Variants in UBE2W observed in about 807,000 individuals in gnomAD.
UBE2W encodes ubiquitin-conjugating enzyme E2 W.
A neutral mutation model predicts 27.2 loss-of-function variants in UBE2W; 18 were observed. That is an observed-to-expected ratio of 0.66 (90% confidence interval 0.46 to 0.98). The LOEUF (loss-of-function observed/expected upper bound fraction) is 0.98, where lower values mean the gene tolerates loss of function less well. UBE2W is among the 50% of genes least tolerant of loss of function. UBE2W has a pLI of 0.00. For missense variants in UBE2W, 90 were observed against 180.2 expected (o/e 0.50, Z 2.87); for synonymous variants, 53 against 57.2 (o/e 0.93, Z 0.33).
At chr8:73,878,297 G>T (rs1812323441) in intron 1 of UBE2W, among the ~76,000 whole-genome samples, 1 of 152,250 alleles carries the variant, frequency 6.6e-6, no homozygotes, top group African/African-American at 2.4e-5. Context: ...GGGGCCCGGC[G>T]TGGGAGGCCG....
intron 4 of UBE2W, among the ~76,000 whole-genome samples, chr8:73,809,726 T>A (rs1319775181): frequency 6.6e-6 from 1 of 151,984 alleles, no homozygotes; most frequent in Non-Finnish European, 1.5e-5. Flanking sequence ...ATTACAGGCA[T>A]ATACCATCAC....
intron 3 of UBE2W, among the ~76,000 whole-genome samples, chr8:73,813,217 C>A (rs1185487206): frequency 6.6e-6 from 1 of 151,084 alleles, no homozygotes; most frequent in African/African-American, 2.4e-5. Context: ...ATTCAGAGCA[C>A]AAGGAGAACA....
intron 2 of UBE2W, among the ~76,000 whole-genome samples, chr8:73,826,752 T>C (rs1323714015): frequency 1.3e-5 from 2 of 152,188 alleles, no homozygotes; most frequent in East Asian, 1.9e-4. Flanking sequence ...TGTGAACAAG[T>C]TATGTTATCT....
chr8:73,817,272 G>A (rs1334391058), intron 3 of UBE2W, among the ~76,000 whole-genome samples: 2 of 152,134 alleles, frequency 1.3e-5, no homozygotes, highest in Non-Finnish European at 2.9e-5. Context: ...AGGTTGCGAT[G>A]AGCCAAGATC....
chr8:73,843,497 G>C (rs922189972), intron 1 of UBE2W, among the ~76,000 whole-genome samples: 1 of 152,090 alleles, frequency 6.6e-6, no homozygotes, highest in African/African-American at 2.4e-5. Flanking sequence ...GCCCGGCATG[G>C]TGGTGGTATG....
rs561396224 is a variant in UBE2W at position 73,810,441 on chromosome 8, G to C, written c.366+33C>G. On this transcript the variant is annotated intron_variant, in intron 4 of 5. Coordinates refer to ENST00000602593, the MANE Select transcript of UBE2W (RefSeq NM_018299.6). Reference sequence around the variant, plus strand: ...ATTTATCTACCTAACTGAAAGAAGAGATATTATCTGGAATAATTCTGAAAA... The same window carrying C: ...ATTTATCTACCTAACTGAAAGAAGACATATTATCTGGAATAATTCTGAAAA... The C allele has an allele frequency of 2.5e-6, 4 of 1,579,360 alleles. No homozygotes were observed. The South Asian group carries it at 4.6e-5, about 18-fold the overall frequency.
intron 1 of UBE2W, among the ~76,000 whole-genome samples, chr8:73,866,290 A>ATATATATATATATATATATATAT (rs1554586475): frequency 2.3e-5 from 1 of 43,092 alleles, no homozygotes; most frequent in Non-Finnish European, 4.2e-5. Context: ...AAAAAAAAAA[A>ATATATATATATATATATATATAT]ATATATATAT....
chr8:73,878,577 A>C (rs1812341884), intron 1 of UBE2W, among the ~76,000 whole-genome samples: 1 of 151,966 alleles, frequency 6.6e-6, no homozygotes. Context: ...TTTATCACCC[A>C]ACTTCCCGGC....
At position 73,788,827 on chromosome 8, in the gene UBE2W, G is replaced by A. The variant is rs952705269; in HGVS notation, c.*5275C>T. ...GTGCCAAGGACTAGAACAAGAATTG[G>A]ATCTCTCCTTTTCCCAGTCAACTCC... On this transcript the variant is annotated 3_prime_UTR_variant, in exon 6 of 6. Coordinates refer to ENST00000602593, the MANE Select transcript of UBE2W (RefSeq NM_018299.6). 1.3e-4 allele frequency: 128 copies of A among 985,180 alleles called. No homozygotes were observed. Among genetic ancestry groups the A allele is most frequent in the Non-Finnish European group, 1.5e-4 (124 of 829,918 alleles). The allele number at this position is 985,180 out of a possible 1,614,324, so 61.0% of individuals were successfully genotyped here. A position where few individuals can be genotyped will look rare whatever the true frequency, so the allele number is the denominator to read the frequency against.
Position 73,842,528 on chromosome 8 carries a change from CAAAAAAAAAAA to C in UBE2W, c.16-12067_16-12057del, listed in dbSNP as rs759063478. Among the ~76,000 whole-genome samples the C allele has an allele frequency of 3.8e-3, 37 of 9,672 alleles. No individual in the cohort carries two copies. The East Asian group carries it at 0.094, about 25-fold the overall frequency. 6.3% of individuals were successfully genotyped at this position (9,672 alleles called of 152,430 possible). A position where few individuals can be genotyped will look rare whatever the true frequency, so the allele number is the denominator to read the frequency against. On this transcript the variant is annotated intron_variant, in intron 1 of 5. Transcript: ENST00000602593. Reference sequence around the variant, plus strand: ...TGGGCGACAGAGGGAGACTCCGTCTCAAAAAAAAAAAAAAAAAAAAAAAAAAAAAAATGACG... The same window carrying C: ...TGGGCGACAGAGGGAGACTCCGTCTCAAAAAAAAAAAAAAAAAAAATGACG...
At chr8:73,858,972 G>A (rs1337910586) in intron 1 of UBE2W, among the ~76,000 whole-genome samples, 1 of 113,686 alleles carries the variant, frequency 8.8e-6, no homozygotes, top group Admixed American at 1.1e-4. Flanking sequence ...AGCACAGGGG[G>A]TTTTTGCGTG....
At chr8:73,847,449 T>C (rs73338497) in intron 1 of UBE2W, among the ~76,000 whole-genome samples, 4,768 of 152,190 alleles carry the variant, frequency 0.031, 230 homozygotes, top group African/African-American at 0.1. Context: ...TTTGTAAACT[T>C]GGATATAGAA....
chr8:73,809,188 A>C (rs976133308), intron 4 of UBE2W, among the ~76,000 whole-genome samples: 2 of 152,292 alleles, frequency 1.3e-5, no homozygotes, highest in East Asian at 1.9e-4. Flanking sequence ...AAATGAGTAA[A>C]AAAACAAAAC....
At chr8:73,821,522 T>TG (rs1409645249) in intron 3 of UBE2W, among the ~76,000 whole-genome samples, 232 of 16,632 alleles carry the variant, frequency 0.014, no homozygotes, top group African/African-American at 0.052. Flanking sequence ...GTGTGTGTGG[T>TG]GGGGGGGTGG....
intron 1 of UBE2W, among the ~76,000 whole-genome samples, chr8:73,840,745 T>C (rs936242718): frequency 6.6e-6 from 1 of 152,176 alleles, no homozygotes; most frequent in Non-Finnish European, 1.5e-5. Flanking sequence ...AACTCTCCGA[T>C]ACTCAGGTAT....
At chr8:73,866,057 C>T (rs983618065) in intron 1 of UBE2W, among the ~76,000 whole-genome samples, 3 of 151,882 alleles carry the variant, frequency 2.0e-5, no homozygotes, top group African/African-American at 7.3e-5. Context: ...GCAGGTGGAT[C>T]ATGAGGTCAA....
intron 1 of UBE2W, among the ~76,000 whole-genome samples, chr8:73,866,366 G>A (rs1017363310): frequency 6.4e-5 from 9 of 140,706 alleles, no homozygotes; most frequent in Non-Finnish European, 1.4e-4. Flanking sequence ...TAGTAGGACT[G>A]CAATATAAAT....
At chr8:73,851,620 C>T (rs1811083144) in intron 1 of UBE2W, among the ~76,000 whole-genome samples, 1 of 151,990 alleles carries the variant, frequency 6.6e-6, no homozygotes, top group South Asian at 2.1e-4. Context: ...ATGCTGACAA[C>T]AATGTGGCAT....
chr8:73,780,826 G>A (rs767253184), intron 4 of UBE2W, among the ~76,000 whole-genome samples: 3 of 152,016 alleles, frequency 2.0e-5, no homozygotes, highest in Non-Finnish European at 2.9e-5. Context: ...GCCTGACCTG[G>A]AAGAAATAAC....
Sources: allele counts gnomAD v4.1 joint callset (sites outside exome capture counted in the v4.1 genomes callset), GRCh38; gene constraint gnomAD v4.1.1; transcripts MANE v1.5; gene names NCBI Gene and HGNC (gene_info 2026-07-23, HGNC 2026-07-21).